PPARGC1A: variants seen among roughly 807,000 people sequenced by gnomAD.
PPARGC1A encodes PPARG coactivator 1 alpha, also known as peroxisome proliferator-activated receptor gamma coactivator 1-alpha.
PPARGC1A carries 25 observed loss-of-function variants against 88.7 expected under a neutral mutation model. That is an observed-to-expected ratio of 0.28 (90% CI 0.21 to 0.39). PPARGC1A has a LOEUF of 0.39. PPARGC1A is among the 10% of genes least tolerant of loss of function. The probability of loss-of-function intolerance (pLI) is 1.00; values close to 1 mark genes in which losing one functional copy is unlikely to be tolerated. For synonymous variants in PPARGC1A, 363 were observed against 355.6 expected (o/e 1.02, Z -0.24); for missense variants, 880 against 968.7 (o/e 0.91, Z 1.22).
At chr4:24,422,022 G>C in the PPARGC1A span, among the ~76,000 whole-genome samples, 1 of 152,200 alleles carries the variant, frequency 6.6e-6, no homozygotes, top group South Asian at 2.1e-4. Context: ...AATATAATGA[G>C]TCGTACTAAA....
intron 2 of PPARGC1A, among the ~76,000 whole-genome samples, chr4:23,870,190 C>T (rs1175512715): frequency 6.6e-6 from 1 of 152,148 alleles, no homozygotes; most frequent in Non-Finnish European, 1.5e-5. Context: ...GGCTTTAATC[C>T]ACATAGGCAC....
At chr4:24,276,935 T>C in the PPARGC1A span, among the ~76,000 whole-genome samples, 1 of 152,148 alleles carries the variant, frequency 6.6e-6, no homozygotes. Context: ...ATATCAAGCG[T>C]CAGGCACCTC....
At chr4:23,926,454 C>T in the PPARGC1A span, among the ~76,000 whole-genome samples, 11 of 152,158 alleles carry the variant, frequency 7.2e-5, no homozygotes, top group African/African-American at 2.2e-4. Context: ...TTCAAGCCAG[C>T]GATCTTTCTA....
chr4:24,376,636 A>C, the PPARGC1A span, among the ~76,000 whole-genome samples: 1 of 152,322 alleles, frequency 6.6e-6, no homozygotes, highest in Non-Finnish European at 1.5e-5. Context: ...TCACCATTTG[A>C]CTAAAGGTCA....
the PPARGC1A span, among the ~76,000 whole-genome samples, chr4:24,464,215 C>G: frequency 6.6e-6 from 1 of 152,186 alleles, no homozygotes; most frequent in African/African-American, 2.4e-5. Flanking sequence ...TTACAATAAC[C>G]AGCTACTACT....
At chr4:23,978,267 G>T in the PPARGC1A span, among the ~76,000 whole-genome samples, 2 of 152,184 alleles carry the variant, frequency 1.3e-5, no homozygotes, top group Non-Finnish European at 2.9e-5. Flanking sequence ...ACTGGCTGGA[G>T]ACTATTTTAA....
At chr4:24,170,265 T>G in the PPARGC1A span, among the ~76,000 whole-genome samples, 1 of 151,982 alleles carries the variant, frequency 6.6e-6, no homozygotes, top group Non-Finnish European at 1.5e-5. Context: ...TCAGCTCAAG[T>G]GTGTCTATAT....
rs1429716416 is a variant in PPARGC1A, at chr4:23,795,038, G to C, written c.*784C>G. Reference sequence around the variant, plus strand: ...TCCCACCCAGATTCCATGGCAAAAGGAAAAAGAAAAAAAAAAGAGAGAGAG... The same window carrying C: ...TCCCACCCAGATTCCATGGCAAAAGCAAAAAGAAAAAAAAAAGAGAGAGAG... On this transcript the variant is annotated 3_prime_UTR_variant, in exon 13 of 13. Coordinates refer to ENST00000264867, the MANE Select transcript of PPARGC1A (RefSeq NM_013261.5). 1 of 135,142 alleles carries C rather than the reference G, an allele frequency of 7.4e-6. No homozygotes were observed. Among genetic ancestry groups the C allele is most frequent in the Admixed American group, 7.4e-5 (1 of 13,546 alleles). 8.4% of individuals were successfully genotyped at this position (135,142 alleles called of 1,614,324 possible). A position where few individuals can be genotyped will look rare whatever the true frequency, so the allele number is the denominator to read the frequency against.
the PPARGC1A span, among the ~76,000 whole-genome samples, chr4:24,236,558 C>T: frequency 1.3e-5 from 2 of 152,188 alleles, no homozygotes; most frequent in Non-Finnish European, 2.9e-5. Flanking sequence ...GCCATGCCAA[C>T]ATCAACTTCT....
chr4:23,822,281 T>G (rs1156578916), intron 7 of PPARGC1A, among the ~76,000 whole-genome samples: 1 of 152,090 alleles, frequency 6.6e-6, no homozygotes, highest in African/African-American at 2.4e-5. Context: ...CATCAACATC[T>G]TCTCTCCATT....
the PPARGC1A span, among the ~76,000 whole-genome samples, chr4:24,150,182 G>A: frequency 2.2e-3 from 329 of 152,146 alleles, no homozygotes; most frequent in African/African-American, 7.3e-3. Flanking sequence ...GAGACACACC[G>A]GGCAGTGTTT....
the PPARGC1A span, among the ~76,000 whole-genome samples, chr4:24,021,995 G>A: frequency 2.6e-5 from 4 of 152,214 alleles, no homozygotes; most frequent in Non-Finnish European, 5.9e-5. Flanking sequence ...CAGCATGGGA[G>A]TGATGGTAAG....
the PPARGC1A span, among the ~76,000 whole-genome samples, chr4:24,280,378 GT>G: frequency 6.6e-6 from 1 of 152,174 alleles, no homozygotes; most frequent in Admixed American, 6.5e-5. Flanking sequence ...GGAGATCACA[GT>G]TTTTGTTCTC....
intron 1 of PPARGC1A, among the ~76,000 whole-genome samples, chr4:23,896,082 G>C (rs986022496): frequency 6.6e-6 from 1 of 150,576 alleles, no homozygotes; most frequent in African/African-American, 2.4e-5. Context: ...AATACATTAG[G>C]GTTTAAAATG....
At chr4:24,019,910 T>C in the PPARGC1A span, among the ~76,000 whole-genome samples, 22,919 of 152,218 alleles carry the variant, frequency 0.15, 2,039 homozygotes, top group East Asian at 0.28. Context: ...GTAAGGATCA[T>C]GCTCCATTTC....
chr4:24,186,729 G>A, the PPARGC1A span, among the ~76,000 whole-genome samples: 2 of 151,888 alleles, frequency 1.3e-5, no homozygotes, highest in East Asian at 1.9e-4. Context: ...TCTGGGGCAC[G>A]ATGGCTCTTT....
the PPARGC1A span, among the ~76,000 whole-genome samples, chr4:24,126,045 T>C: frequency 3.8e-4 from 58 of 152,134 alleles, no homozygotes; most frequent in Non-Finnish European, 5.9e-4. Context: ...ATTTCCACTT[T>C]ACAGACAAGG....
chr4:24,465,092 C>T, the PPARGC1A span, among the ~76,000 whole-genome samples: 3 of 152,176 alleles, frequency 2.0e-5, no homozygotes, highest in African/African-American at 7.2e-5. Context: ...TCTTGAACGC[C>T]TGGACTCAAG....
chr4:23,932,912 G>A, the PPARGC1A span, among the ~76,000 whole-genome samples: 27 of 152,154 alleles, frequency 1.8e-4, no homozygotes, highest in African/African-American at 3.4e-4. Context: ...CAGTCTCGCC[G>A]TTCTAAGCTG....
Sources: allele counts gnomAD v4.1 joint callset (sites outside exome capture counted in the v4.1 genomes callset), GRCh38; gene constraint gnomAD v4.1.1; transcripts MANE v1.5; gene names NCBI Gene and HGNC (gene_info 2026-07-23, HGNC 2026-07-21).